The following DPP8 variants were observed in gnomAD, a reference collection of about 807,000 sequenced individuals.
DPP8 encodes the protein dipeptidyl peptidase 8, also known as DPP VIII.
DPP8 carries 31 observed loss-of-function variants against 107.5 expected under a neutral mutation model. That is an observed-to-expected ratio of 0.29 (90% CI 0.22 to 0.39). DPP8 has a LOEUF of 0.39. DPP8 is among the 10% of genes least tolerant of loss of function. The pLI is 1.00. For synonymous variants in DPP8, 381 were observed against 356.6 expected, an observed-to-expected ratio of 1.07 and a Z score of -0.77; for missense variants, 842 against 1,076.1, an observed-to-expected ratio of 0.78 and a Z score of 3.04.
rs377067522 is a variant in DPP8, at chr15:65,466,830, C to G, written c.1690-17G>C. The G allele has an allele frequency of 1.9e-6, 3 of 1,602,334 alleles. No homozygotes were observed. The highest frequency in any genetic ancestry group is 2.6e-6 in the Non-Finnish European group (3 of 1,175,778). On this transcript the variant is annotated splice_polypyrimidine_tract_variant and intron_variant, in intron 13 of 19. Coordinates refer to ENST00000300141, the MANE Select transcript of DPP8 (RefSeq NM_130434.5). ...GTCACAGTGCTAGAGAAAGGAGAAACAATTATATTTTTCGTCAGGAAGGTA... is the reference window on the plus strand; with the variant it reads ...GTCACAGTGCTAGAGAAAGGAGAAAGAATTATATTTTTCGTCAGGAAGGTA...
At chr15:65,502,174 C>A (rs1488398262) in intron 3 of DPP8, among the ~76,000 whole-genome samples, 3 of 152,058 alleles carry the variant, frequency 2.0e-5, no homozygotes, top group Non-Finnish European at 2.9e-5. Flanking sequence ...CAGGTGTGAG[C>A]CACCAAGCCT....
chr15:65,474,292 A>G lies in DPP8; in HGVS notation c.1457-4T>C. The G allele has an allele frequency of 6.3e-7, 1 of 1,581,260 alleles. No homozygotes were observed. The highest frequency in any genetic ancestry group is 8.7e-7 in the Non-Finnish European group (1 of 1,150,250). On this transcript the variant is annotated splice_polypyrimidine_tract_variant and splice_region_variant and intron_variant, in intron 11 of 19. Coordinates refer to ENST00000300141, the MANE Select transcript of DPP8 (RefSeq NM_130434.5). Reference sequence around the variant, plus strand: ...TTGATAGGACACTTGAAATCACCTGAAGATAAATATAATTATAATTCAGTA... The same window carrying G: ...TTGATAGGACACTTGAAATCACCTGGAGATAAATATAATTATAATTCAGTA...
intron 16 of DPP8, 132 bp from the exon 17 acceptor site, chr15:65,454,547 G>C (rs1253838874): frequency 1.3e-6 from 1 of 789,280 alleles, no homozygotes. Context: ...TATTTTTTGA[G>C]ATGGAGTCTC....
chr15:65,475,388 G>C, intron 11 of DPP8: 1 of 1,523,784 alleles, frequency 6.6e-7, no homozygotes, highest in South Asian at 1.1e-5. Flanking sequence ...CTGGCTCTTG[G>C]CCACTGTGAG....
chr15:65,454,759 A>G (rs2064265535), intron 16 of DPP8, among the ~76,000 whole-genome samples: 2 of 152,190 alleles, frequency 1.3e-5, no homozygotes, highest in Non-Finnish European at 1.5e-5. Context: ...TCCTGACCTC[A>G]AGTGATTCAC....
rs1395269508 is a variant in DPP8 at position 65,445,477 on chromosome 15, T to C, written c.*1407A>G. ...CCTGAAAGCCTATGAGCTCTCTTCATAGCTAAATCCTAGTGCTAAACCAAG... is the reference window on the plus strand; with the variant it reads ...CCTGAAAGCCTATGAGCTCTCTTCACAGCTAAATCCTAGTGCTAAACCAAG... On this transcript the variant is annotated 3_prime_UTR_variant, in exon 20 of 20. Coordinates refer to ENST00000300141, the MANE Select transcript of DPP8 (RefSeq NM_130434.5). 1 of 153,306 alleles carries C rather than the reference T, an allele frequency of 6.5e-6. No individual in the cohort carries two copies. The highest frequency in any genetic ancestry group is 2.4e-5 in the African/African-American group (1 of 41,326). 9.5% of individuals were successfully genotyped at this position (153,306 alleles called of 1,614,324 possible). A position where few individuals can be genotyped will look rare whatever the true frequency, so the allele number is the denominator to read the frequency against.
intron 5 of DPP8, among the ~76,000 whole-genome samples, chr15:65,492,107 T>G (rs900276627): frequency 3.3e-5 from 5 of 150,792 alleles, no homozygotes; most frequent in Admixed American, 6.6e-5. Context: ...TTTGGGAGGC[T>G]GAGGAGGGCA....
rs756926270 is a variant in DPP8 at position 65,512,462 on chromosome 15, TTA to T, written c.90_91del (p.Lys31IlefsTer7). The T allele has an allele frequency of 6.2e-7, 1 of 1,614,168 alleles. No individual in the cohort carries two copies. The highest frequency in any genetic ancestry group is 1.3e-5 in the African/African-American group (1 of 75,044). On this transcript the variant is annotated frameshift_variant, in exon 2 of 20. Coordinates refer to ENST00000300141, the MANE Select transcript of DPP8 (RefSeq NM_130434.5). LOFTEE classifies it high-confidence loss of function. ...CCGCTCAACATAAAAAGGCTCCAAT[TTA>T]GGCCGATCCTGTGATTCAATATTCT...
At position 65,478,960 on chromosome 15, in the gene DPP8, C is replaced by G; in HGVS notation, c.1376G>C (p.Gly459Ala). ...TGTAATTTTGTATAAATGACGGAAA[C>G]CTGTTTTGCATTCAGAGGCAAAAAT... is the stretch of plus-strand genomic sequence containing the variant. The part of the protein sequence containing the change: ...EFIFASECKT[G>A]FRHLYKITSI... Residue 459 changes from glycine (G) to alanine (A), a missense_variant, in exon 11 of 20, where the codon GGT becomes GCT. By Grantham distance (60) the Gly-to-Ala change is moderately conservative. Transcript: ENST00000300141. 3.8e-6 allele frequency: 6 copies of G among 1,594,460 alleles called. No homozygotes were observed. Among genetic ancestry groups the G allele is most frequent in the Non-Finnish European group, 5.1e-6 (6 of 1,172,340 alleles).
intron 8 of DPP8, among the ~76,000 whole-genome samples, chr15:65,484,220 G>C (rs994713594): frequency 6.6e-6 from 1 of 151,800 alleles, no homozygotes; most frequent in African/African-American, 2.4e-5. Flanking sequence ...CAACTACTCG[G>C]GAGGCTGAGG....
intron 3 of DPP8, among the ~76,000 whole-genome samples, chr15:65,503,726 G>T (rs542450637): frequency 6.6e-6 from 1 of 152,006 alleles, no homozygotes; most frequent in Non-Finnish European, 1.5e-5. Context: ...GGGTTCAATC[G>T]ATTCTCCCAC....
At chr15:65,471,661 T>A (rs1482242269) in intron 12 of DPP8, among the ~76,000 whole-genome samples, 1 of 151,810 alleles carries the variant, frequency 6.6e-6, no homozygotes, top group African/African-American at 2.4e-5. Context: ...TAATTTAAAA[T>A]TTTTTTTGCA....
At chr15:65,454,904 T>C (rs2064282367) in intron 16 of DPP8, among the ~76,000 whole-genome samples, 1 of 152,160 alleles carries the variant, frequency 6.6e-6, no homozygotes, top group Admixed American at 6.5e-5. Context: ...TAAAAATCTA[T>C]TTGGAGATAG....
chr15:65,489,676 C>A (rs764841839), intron 6 of DPP8, among the ~76,000 whole-genome samples: 119 of 151,364 alleles, frequency 7.9e-4, no homozygotes, highest in Admixed American at 2.2e-3. Context: ...CCTCAGCCTT[C>A]CAAAGTGCTG....
chr15:65,499,817 G>T (rs1345945635), intron 4 of DPP8, among the ~76,000 whole-genome samples: 2 of 151,026 alleles, frequency 1.3e-5, no homozygotes, highest in African/African-American at 4.9e-5. Context: ...CTGCCCACAT[G>T]GGCCTCCCAA....
intron 19 of DPP8, among the ~76,000 whole-genome samples, chr15:65,449,677 T>G (rs1045769949): frequency 2.6e-5 from 4 of 152,164 alleles, no homozygotes; most frequent in Non-Finnish European, 4.4e-5. Context: ...CCCAAAGTGT[T>G]GGGATTACAG....
In DPP8 at chr15:65,500,666, A is replaced by T. The variant is rs1370149224; in HGVS notation, c.486T>A (p.Phe162Leu). 1.2e-6 allele frequency: 2 copies of T among 1,614,042 alleles called. No individual in the cohort carries two copies. Among genetic ancestry groups the T allele is most frequent in the Non-Finnish European group, 8.5e-7 (1 of 1,179,956 alleles). The change falls in exon 4 of 20, where the codon TTT (phenylalanine) becomes TTA (leucine). Residue 162 changes from phenylalanine to leucine, a missense_variant. By Grantham distance (22) the Phe-to-Leu change is conservative. Coordinates refer to ENST00000300141, the MANE Select transcript of DPP8 (RefSeq NM_130434.5). ...SYDYHQGSGTFLFQAGSGIYH... is the reference protein window; with the variant it reads ...SYDYHQGSGTLLFQAGSGIYH... ...AAATTCCACTACCGGCTTGAAACAG[A>T]AATGTTCCACTTCCTTGGTGATAAT...
Position 65,463,926 on chromosome 15 carries a change from C to G in DPP8, c.1826-20G>C. ...GAGGACCTGTGAATAGGTAACATAACAGAGTCTACAAAAGAGTTCTTATGG... is the reference window on the plus strand; with the variant it reads ...GAGGACCTGTGAATAGGTAACATAAGAGAGTCTACAAAAGAGTTCTTATGG... On this transcript the variant is annotated intron_variant, in intron 14 of 19. Transcript: ENST00000300141. 1 of 1,523,414 alleles carries G rather than the reference C, an allele frequency of 6.6e-7. No individual in the cohort carries two copies. The highest frequency in any genetic ancestry group is 2.3e-5 in the East Asian group (1 of 42,856). The allele number at this position is 1,523,414 out of a possible 1,614,324, so 94.4% of individuals were successfully genotyped here.
rs2063492046 is a variant in DPP8, at chr15:65,446,195, T to G, written c.*689A>C. The G allele has an allele frequency of 6.6e-6, 1 of 152,112 alleles. No homozygotes were observed. Among genetic ancestry groups the G allele is most frequent in the African/African-American group, 2.4e-5 (1 of 41,418 alleles). 9.4% of individuals were successfully genotyped at this position (152,112 alleles called of 1,614,324 possible). A position where few individuals can be genotyped will look rare whatever the true frequency, so the allele number is the denominator to read the frequency against. ...CATGCTACATATACAGTTACTAGCC[T>G]TTATGCAAAAGGAAAAGCCCACTCT... On this transcript the variant is annotated 3_prime_UTR_variant, in exon 20 of 20. Transcript: ENST00000300141.
Sources: gnomAD v4.1 joint callset for allele counts (sites outside exome capture counted in the v4.1 genomes callset) on GRCh38, gnomAD v4.1.1 for gene constraint, MANE v1.5 for transcripts, NCBI Gene and HGNC (gene_info 2026-07-23, HGNC 2026-07-21) for gene names.